Variants in PTPRD observed in about 807,000 individuals in gnomAD.
PTPRD encodes the protein receptor-type tyrosine-protein phosphatase delta.
In PTPRD, 34 loss-of-function variants were observed where a neutral mutation model predicts 214.5. That is an observed-to-expected ratio of 0.16 (90% confidence interval 0.12 to 0.21). PTPRD has a LOEUF of 0.21. PTPRD is among the 10% of genes least tolerant of loss of function. PTPRD has a pLI of 1.00. For synonymous variants in PTPRD, 1,128 were observed against 845.7 expected, an observed-to-expected ratio of 1.33 and a Z score of -5.79; for missense variants, 2,545 against 2,398.7, an observed-to-expected ratio of 1.06 and a Z score of -1.27.
At chr9:10,122,195 C>G (rs1372516419) in intron 3 of PTPRD, among the ~76,000 whole-genome samples, 2 of 152,082 alleles carry the variant, frequency 1.3e-5, no homozygotes. Flanking sequence ...GTAATCCCAG[C>G]TACTCGGGAG....
chr9:9,605,041 C>A (rs1490678091), intron 7 of PTPRD, among the ~76,000 whole-genome samples: 1 of 151,826 alleles, frequency 6.6e-6, no homozygotes, highest in African/African-American at 2.4e-5. Flanking sequence ...CTTTTTATTT[C>A]TTTTTAATCT....
chr9:10,479,794 C>T (rs1199947532), intron 2 of PTPRD, among the ~76,000 whole-genome samples: 1 of 152,012 alleles, frequency 6.6e-6, no homozygotes, highest in African/African-American at 2.4e-5. Flanking sequence ...GTACTTCAGC[C>T]TGGGCAACAG....
At chr9:8,534,323 A>G (rs182095362) in intron 14 of PTPRD, among the ~76,000 whole-genome samples, 16 of 152,012 alleles carry the variant, frequency 1.1e-4, no homozygotes, top group Admixed American at 8.5e-4. Flanking sequence ...CTGTTATTCT[A>G]TCTATAGAAT....
chr9:9,281,121 T>G (rs989316138), intron 9 of PTPRD, among the ~76,000 whole-genome samples: 1 of 151,174 alleles, frequency 6.6e-6, no homozygotes, highest in East Asian at 2.0e-4. Context: ...AAAGCAAACA[T>G]AGACCTAAAA....
chr9:9,743,558 G>C (rs1054266133), intron 6 of PTPRD, among the ~76,000 whole-genome samples: 4 of 151,828 alleles, frequency 2.6e-5, no homozygotes, highest in African/African-American at 9.7e-5. Context: ...CCATTTCTCT[G>C]GTACCATAAA....
chr9:8,691,300 C>T (rs1012821018), intron 12 of PTPRD, among the ~76,000 whole-genome samples: 1 of 151,838 alleles, frequency 6.6e-6, no homozygotes, highest in African/African-American at 2.4e-5. Context: ...GTTTCTTCCT[C>T]TCCATCCTAC....
intron 9 of PTPRD, among the ~76,000 whole-genome samples, chr9:9,201,807 C>A (rs552253019): frequency 1.0e-3 from 155 of 152,212 alleles, no homozygotes; most frequent in Middle Eastern, 3.4e-3. Context: ...ATAATTATAG[C>A]ACAGTCATTA....
intron 11 of PTPRD, among the ~76,000 whole-genome samples, chr9:8,975,334 C>T (rs2099262426): frequency 1.3e-5 from 2 of 151,984 alleles, no homozygotes; most frequent in African/African-American, 4.8e-5. Flanking sequence ...GTACTCCTAA[C>T]TCTGCTTTTC....
chr9:8,879,889 G>T (rs946976921), intron 11 of PTPRD, among the ~76,000 whole-genome samples: 1 of 152,194 alleles, frequency 6.6e-6, no homozygotes, highest in African/African-American at 2.4e-5. Context: ...ACTAAAATGT[G>T]TAAGGAGAGA....
intron 2 of PTPRD, among the ~76,000 whole-genome samples, chr9:10,362,974 T>A (rs946768563): frequency 3.9e-5 from 6 of 152,210 alleles, no homozygotes; most frequent in African/African-American, 1.4e-4. Context: ...AACAGGCTTT[T>A]AATAAATATT....
At chr9:10,324,168 T>C (rs1000834797) in intron 3 of PTPRD, among the ~76,000 whole-genome samples, 3 of 152,072 alleles carry the variant, frequency 2.0e-5, no homozygotes, top group African/African-American at 7.2e-5. Flanking sequence ...GGCTCTTCTC[T>C]AAAGAGAGGG....
chr9:8,587,016 G>A (rs1163792960), intron 14 of PTPRD, among the ~76,000 whole-genome samples: 1 of 152,106 alleles, frequency 6.6e-6, no homozygotes, highest in Non-Finnish European at 1.5e-5. Context: ...GCATGGTGGT[G>A]GCGGGTGCCT....
At position 9,480,861 on chromosome 9, in the gene PTPRD, G is replaced by C. The variant is rs2095380146; in HGVS notation, c.-236-83379C>G. Reference sequence around the variant, plus strand: ...GTCTCTGATATCATATTTGAAAGAAGAAAGGACTGCTAAGAGATGGAACTG... The same window carrying C: ...GTCTCTGATATCATATTTGAAAGAACAAAGGACTGCTAAGAGATGGAACTG... On this transcript the variant is annotated intron_variant, in intron 8 of 45. Transcript: ENST00000381196. Among the ~76,000 whole-genome samples the C allele has an allele frequency of 2.0e-5, 3 of 152,060 alleles. No individual in the cohort carries two copies. The South Asian group carries it at 6.2e-4, about 32-fold the overall frequency.
intron 21 of PTPRD, among the ~76,000 whole-genome samples, chr9:8,512,760 A>G (rs1251563569): frequency 6.6e-6 from 1 of 152,046 alleles, no homozygotes; most frequent in South Asian, 2.1e-4. Context: ...AGATGTAATT[A>G]GAGGTCAGAC....
At chr9:10,068,596 C>A (rs575183843) in intron 3 of PTPRD, among the ~76,000 whole-genome samples, 1 of 151,828 alleles carries the variant, frequency 6.6e-6, no homozygotes, top group Admixed American at 6.6e-5. Context: ...ACCACCAAAC[C>A]ATATTTGTCC....
intron 11 of PTPRD, among the ~76,000 whole-genome samples, chr9:8,930,068 G>A (rs577459032): frequency 7.3e-5 from 11 of 151,532 alleles, no homozygotes; most frequent in East Asian, 5.8e-4. Context: ...CCATTAACTC[G>A]TCATTTACAT....
intron 2 of PTPRD, among the ~76,000 whole-genome samples, chr9:10,360,313 T>A (rs939094788): frequency 1.3e-5 from 2 of 152,252 alleles, no homozygotes; most frequent in Non-Finnish European, 2.9e-5. Flanking sequence ...AGAAAGGGTA[T>A]TTTAAGTACA....
intron 11 of PTPRD, among the ~76,000 whole-genome samples, chr9:8,773,395 G>C (rs2095321198): frequency 6.6e-6 from 1 of 152,100 alleles, no homozygotes; most frequent in Non-Finnish European, 1.5e-5. Flanking sequence ...TTAAACCCTA[G>C]AAACTCTCGC....
At chr9:9,681,055 T>C (rs1336659861) in intron 7 of PTPRD, among the ~76,000 whole-genome samples, 1 of 151,844 alleles carries the variant, frequency 6.6e-6, no homozygotes, top group African/African-American at 2.4e-5. Flanking sequence ...ATTGCACTTT[T>C]CAAATTTGTA....
Sources: gnomAD v4.1 joint callset for allele counts (sites outside exome capture counted in the v4.1 genomes callset) on GRCh38, gnomAD v4.1.1 for gene constraint, MANE v1.5 for transcripts, NCBI Gene and HGNC (gene_info 2026-07-23, HGNC 2026-07-21) for gene names.